Variants in ASIC4 observed in about 807,000 individuals in gnomAD.
ASIC4 encodes acid-sensing ion channel 4.
In ASIC4, 28 loss-of-function variants were observed where a neutral mutation model predicts 53.4. That is an observed-to-expected ratio of 0.52 (90% CI 0.39 to 0.72). The LOEUF (loss-of-function observed/expected upper bound fraction) is 0.72. Among genes scored for constraint, ASIC4 ranks in the 30% least tolerant of loss-of-function variants. ASIC4 has a pLI of 0.00. For missense variants in ASIC4, 649 were observed against 729.7 expected (o/e 0.89, Z 1.27); for synonymous variants, 289 against 301.4 (o/e 0.96, Z 0.43).
At chr2:219,528,157 C>T (rs186286908) in intron 1 of ASIC4, among the ~76,000 whole-genome samples, 1 of 152,384 alleles carries the variant, frequency 6.6e-6, no homozygotes, top group East Asian at 1.9e-4. Context: ...TGAGTACTTT[C>T]AGATTTCTAC....
Position 219,536,949 on chromosome 2 carries a change from A to C in ASIC4, c.1230-117A>C. ...CACAGCCTTGGGGAGTCCGGGGGGT[A>C]GTCACTGACTTCCCCATGTAGTGAT... is the stretch of plus-strand genomic sequence containing the variant. On this transcript the variant is annotated intron_variant, in intron 6 of 9. Coordinates refer to ENST00000358078, the MANE Select transcript of ASIC4 (RefSeq NM_018674.6). The surrounding 1 kb of genome is among the most constrained non-coding windows in gnomAD (Gnocchi z 4.6). 1.2e-6 allele frequency: 1 copy of C among 822,904 alleles called. No individual in the cohort carries two copies. The highest frequency in any genetic ancestry group is 2.0e-6 in the Non-Finnish European group (1 of 508,492). The allele number at this position is 822,904 out of a possible 1,614,324, so 51.0% of individuals were successfully genotyped here. A position where few individuals can be genotyped will look rare whatever the true frequency, so the allele number is the denominator to read the frequency against.
At chr2:219,531,073 A>T (rs1192889351) in intron 1 of ASIC4, among the ~76,000 whole-genome samples, 2 of 152,050 alleles carry the variant, frequency 1.3e-5, no homozygotes, top group Non-Finnish European at 2.9e-5. Context: ...TGGAGGCTGG[A>T]TGTGGTGGCT....
chr2:219,533,155 G>T (rs1695072252), intron 5 of ASIC4: 4 of 604,404 alleles, frequency 6.6e-6, no homozygotes, highest in Non-Finnish European at 1.2e-5. Flanking sequence ...AGGGTGGGGG[G>T]TTGCAGAGAA....
intron 5 of ASIC4, 53 bp from the exon 6 acceptor site, chr2:219,535,118 C>G: frequency 6.4e-7 from 1 of 1,569,638 alleles, no homozygotes; most frequent in Non-Finnish European, 8.6e-7. Flanking sequence ...GCTGGTGGGC[C>G]ACTGGACCAC....
Position 219,537,863 on chromosome 2 carries a change from T to A in ASIC4, c.1507-70T>A. The A allele has an allele frequency of 6.7e-7, 1 of 1,495,858 alleles. No homozygotes were observed. The highest frequency in any genetic ancestry group is 9.1e-7 in the Non-Finnish European group (1 of 1,094,414). The allele number at this position is 1,495,858 out of a possible 1,614,324, so 92.7% of individuals were successfully genotyped here. A position where few individuals can be genotyped will look rare whatever the true frequency, so the allele number is the denominator to read the frequency against. The stretch of plus-strand genomic sequence containing the variant: ...TCTGCCCGAGGTGACAAGGAAAGGC[T>A]GGCGGTGTGAGCCCTGGGGGCACCA... On this transcript the variant is annotated intron_variant, in intron 9 of 9. Coordinates refer to ENST00000358078, the MANE Select transcript of ASIC4 (RefSeq NM_018674.6). The surrounding 1 kb of genome is among the most constrained non-coding windows in gnomAD (Gnocchi z 4.9).
chr2:219,526,190 G>C (rs74905859), intron 1 of ASIC4, among the ~76,000 whole-genome samples: 2 of 152,188 alleles, frequency 1.3e-5, no homozygotes, highest in South Asian at 2.1e-4. Context: ...ATAGAGTTCC[G>C]AGGGCTGAGA....
chr2:219,537,494 G>A lies in ASIC4; in HGVS notation c.1402-138G>A, dbSNP rs750110728. 17 of 1,029,710 alleles carry A rather than the reference G, an allele frequency of 1.7e-5. No individual in the cohort carries two copies. The Middle Eastern group carries it at 7.7e-4, about 47-fold the overall frequency. The allele number at this position is 1,029,710 out of a possible 1,614,324, so 63.8% of individuals were successfully genotyped here. A position where few individuals can be genotyped will look rare whatever the true frequency, so the allele number is the denominator to read the frequency against. On this transcript the variant is annotated intron_variant, in intron 8 of 9. Transcript: ENST00000358078. This position sits in a 1 kb window ranked among gnomAD's most constrained non-coding sequence, Gnocchi z 4.9. ...GGGCTCAGAGTCAGGAGAAGGGGAT[G>A]GGTGAGGAGGAGGAGGGTGTCCTAC...
Position 219,538,120 on chromosome 2 carries a change from G to C in ASIC4, c.*74G>C. The C allele has an allele frequency of 1.5e-6, 2 of 1,297,052 alleles. No homozygotes were observed. The highest frequency in any genetic ancestry group is 2.5e-5 in the South Asian group (2 of 78,836). The allele number at this position is 1,297,052 out of a possible 1,614,324, so 80.3% of individuals were successfully genotyped here. On this transcript the variant is annotated 3_prime_UTR_variant, in exon 10 of 10. Coordinates refer to ENST00000358078, the MANE Select transcript of ASIC4 (RefSeq NM_018674.6). ...ATCCCCAGCACATTCTCCTGCTCCT[G>C]GGAGAGGCCTGGGGGCGGTGCTCAC...
upstream of ASIC4, chr2:219,514,259 TG>T (rs759155962): frequency 4.0e-5 from 57 of 1,442,966 alleles, no homozygotes; most frequent in Non-Finnish European, 4.7e-5. Flanking sequence ...CCCCCTCCCC[TG>T]GCCTGGCTCC....
At chr2:219,527,018 C>T (rs3770234) in intron 1 of ASIC4, among the ~76,000 whole-genome samples, 78,528 of 152,064 alleles carry the variant, frequency 0.52, 21,536 homozygotes, top group African/African-American at 0.71. Context: ...TTTCCGTGAC[C>T]GGACCCTGGA....
chr2:219,518,447 G>A lies in ASIC4; in HGVS notation c.582+3141G>A, dbSNP rs1272703999. Reference sequence around the variant, plus strand: ...GAGGGAAGAGAGGAAAGAGGAGAGGGCCCTGGGAGGTGGGCCCCGTATGTT... The same window carrying A: ...GAGGGAAGAGAGGAAAGAGGAGAGGACCCTGGGAGGTGGGCCCCGTATGTT... On this transcript the variant is annotated intron_variant, in intron 1 of 9. Coordinates refer to ENST00000358078, the MANE Select transcript of ASIC4 (RefSeq NM_018674.6). The surrounding 1 kb of genome is among the most constrained non-coding windows in gnomAD (Gnocchi z 4.8). 2.6e-5 allele frequency among the ~76,000 whole-genome samples: 4 copies of A among 152,014 alleles called. No individual in the cohort carries two copies. Among genetic ancestry groups the A allele is most frequent in the Non-Finnish European group, 5.9e-5 (4 of 67,992 alleles).
At position 219,516,874 on chromosome 2, in the gene ASIC4, G is replaced by C. The variant is rs1385614083; in HGVS notation, c.582+1568G>C. 6.6e-6 allele frequency: 1 copy of C among 152,398 alleles called. No homozygotes were observed. Among genetic ancestry groups the C allele is most frequent in the African/African-American group, 2.4e-5 (1 of 41,472 alleles). The allele number at this position is 152,398 out of a possible 1,614,324, so 9.4% of individuals were successfully genotyped here. ...GGGGGCATTGGCCTGTTGTCCGGCT[G>C]TACACCCCCTTTCCTAGGGAAAAGC... is the stretch of plus-strand genomic sequence containing the variant. On this transcript the variant is annotated intron_variant, in intron 1 of 9. Transcript: ENST00000358078. The surrounding 1 kb of genome is among the most constrained non-coding windows in gnomAD (Gnocchi z 4.9).
the ASIC4 span, among the ~76,000 whole-genome samples, chr2:219,508,109 G>T: frequency 6.6e-6 from 1 of 152,170 alleles, no homozygotes; most frequent in Non-Finnish European, 1.5e-5. Context: ...CTGGCCTCCA[G>T]CCCAGACCTT....
chr2:219,531,770 T>C lies in ASIC4; in HGVS notation c.595T>C (p.Tyr199His). The C allele has an allele frequency of 1.2e-6, 2 of 1,602,534 alleles. No individual in the cohort carries two copies. Among genetic ancestry groups the C allele is most frequent in the Non-Finnish European group, 1.7e-6 (2 of 1,174,336 alleles). ...CCCCACCTCCCAGGTCTATACTCGC[T>C]ATGGGAAGTGTTACACCTTCAACGC... is the stretch of plus-strand genomic sequence containing the variant. ...ASNFSVVYTR[Y>H]GKCYTFNADP... The change falls in exon 2 of 10, where the codon TAT becomes CAT. Residue 199 changes from tyrosine (Y) to histidine (H), a missense_variant. Tyr to His is a moderately conservative substitution (Grantham distance 83). Coordinates refer to ENST00000358078, the MANE Select transcript of ASIC4 (RefSeq NM_018674.6).
rs542759760 is a variant in ASIC4 at position 219,518,204 on chromosome 2, G to A, written c.582+2898G>A. 5.9e-5 allele frequency among the ~76,000 whole-genome samples: 9 copies of A among 152,322 alleles called. No homozygotes were observed. The highest frequency in any genetic ancestry group is 2.2e-4 in the African/African-American group (9 of 41,560). On this transcript the variant is annotated intron_variant, in intron 1 of 9. Coordinates refer to ENST00000358078, the MANE Select transcript of ASIC4 (RefSeq NM_018674.6). The surrounding 1 kb of genome is among the most constrained non-coding windows in gnomAD (Gnocchi z 4.8). ...TGTCCCCAGTCCCTGTCCTCAAGCA[G>A]CCTATAGTCTCGTAGAGTGGGGACA...
upstream of ASIC4, among the ~76,000 whole-genome samples, chr2:219,510,996 C>G (rs1177605858): frequency 6.6e-6 from 1 of 152,084 alleles, no homozygotes; most frequent in Non-Finnish European, 1.5e-5. The surrounding 1 kb of genome is among the most constrained non-coding windows in gnomAD (Gnocchi z 5.2). Context: ...CTGGACCAGC[C>G]CAGCCCCAGC....
chr2:219,523,088 G>C (rs912519722), intron 1 of ASIC4, among the ~76,000 whole-genome samples: 1 of 151,630 alleles, frequency 6.6e-6, no homozygotes, highest in East Asian at 2.0e-4. Flanking sequence ...CGTCCCCGCC[G>C]CCTCTTTCTG....
chr2:219,526,553 C>A (rs1694964727), intron 1 of ASIC4, among the ~76,000 whole-genome samples: 1 of 152,130 alleles, frequency 6.6e-6, no homozygotes. Context: ...GGCAGAGAAA[C>A]AGAGTCCAAG....
rs199505636 is a variant in ASIC4 at position 219,515,619 on chromosome 2, G to GA, written c.582+313_582+314insA. On this transcript the variant is annotated intron_variant, in intron 1 of 9. Transcript: ENST00000358078. ...GGGCCCAGGTGTCCTGGAGCTGGCT[G>GA]GCTTGCAGGGAACGCACGCACCATC... is the stretch of plus-strand genomic sequence containing the variant. 7.7e-3 allele frequency among the ~76,000 whole-genome samples: 1,168 copies of GA among 152,354 alleles called. 11 individuals carry two copies. The highest frequency in any genetic ancestry group is 0.015 in the Admixed American group (233 of 15,302).
Sources: gnomAD v4.1 joint callset for allele counts (sites outside exome capture counted in the v4.1 genomes callset) on GRCh38, gnomAD v4.1.1 for gene constraint, Gnocchi (gnomAD v3.1) non-coding constraint, MANE v1.5 for transcripts, NCBI Gene and HGNC (gene_info 2026-07-23, HGNC 2026-07-21) for gene names.